Variants in SLC6A5 observed in about 807,000 individuals in gnomAD.
The protein encoded by SLC6A5 is solute carrier family 6 member 5.
A neutral mutation model predicts 90.5 loss-of-function variants in SLC6A5; 58 were observed. The observed-to-expected ratio is 0.64, with a 90% CI of 0.52 to 0.80. The LOEUF (loss-of-function observed/expected upper bound fraction) is 0.80, where lower values mean the gene tolerates loss of function less well. Ranked by LOEUF, SLC6A5 falls within the 30% of genes least tolerant of loss-of-function variation. SLC6A5 has a pLI of 0.00. For synonymous variants in SLC6A5, 427 were observed against 401.4 expected (o/e 1.06, Z -0.76); for missense variants, 1,015 against 1,017.6 (o/e 1.00, Z 0.03).
chr11:20,640,853 C>T (rs1171574948), intron 13 of SLC6A5, among the ~76,000 whole-genome samples: 8 of 152,104 alleles, frequency 5.3e-5, no homozygotes, highest in Admixed American at 5.2e-4. Flanking sequence ...ATGAAACTGA[C>T]TCACTTGATG....
chr11:20,616,007 A>C (rs1852777557), intron 6 of SLC6A5, among the ~76,000 whole-genome samples: 1 of 152,248 alleles, frequency 6.6e-6, no homozygotes, highest in South Asian at 2.1e-4. Flanking sequence ...TCCTATTTTA[A>C]ATGGCAGCAA....
intron 10 of SLC6A5, among the ~76,000 whole-genome samples, chr11:20,633,609 G>C (rs1437624614): frequency 1.3e-5 from 2 of 152,148 alleles, no homozygotes; most frequent in Non-Finnish European, 2.9e-5. Context: ...GATCTCTGGG[G>C]ACTCTGCTCA....
Position 20,656,217 on chromosome 11 carries a change from G to A in SLC6A5, c.*1349G>A, listed in dbSNP as rs1408122932. 2 of 152,190 alleles carry A rather than the reference G, an allele frequency of 1.3e-5. No homozygotes were observed. The highest frequency in any genetic ancestry group is 2.9e-5 in the Non-Finnish European group (2 of 68,028). The allele number at this position is 152,190 out of a possible 1,614,324, so 9.4% of individuals were successfully genotyped here. On this transcript the variant is annotated 3_prime_UTR_variant, in exon 16 of 16. Coordinates refer to ENST00000525748, the MANE Select transcript of SLC6A5 (RefSeq NM_004211.5). ...ATGAAATTTTTAAAATGTGACATGT[G>A]TTCATGTAGTGTGTACTTGTAGTGG... is the stretch of plus-strand genomic sequence containing the variant.
At chr11:20,642,200 AGAGAT>A (rs1327307780) in intron 13 of SLC6A5, among the ~76,000 whole-genome samples, 1 of 144,454 alleles carries the variant, frequency 6.9e-6, no homozygotes, top group Non-Finnish European at 1.5e-5. Context: ...CTCTGAGCAC[AGAGAT>A]CTGTGTGCTC....
intron 5 of SLC6A5, among the ~76,000 whole-genome samples, chr11:20,613,746 C>T (rs1209959260): frequency 6.9e-6 from 1 of 145,934 alleles, no homozygotes; most frequent in Non-Finnish European, 1.5e-5. Context: ...TGCAGCCTTG[C>T]ATTTCTGGGC....
At chr11:20,600,742 G>A (rs1852454540) in intron 1 of SLC6A5, among the ~76,000 whole-genome samples, 1 of 152,104 alleles carries the variant, frequency 6.6e-6, no homozygotes, top group Admixed American at 6.5e-5. Context: ...GAAATGGGGC[G>A]GAAAATTAAA....
Position 20,611,767 on chromosome 11 carries a change from GAA to G in SLC6A5, c.986-2898_986-2897del, listed in dbSNP as rs56739547. Among the ~76,000 whole-genome samples, 658 of 144,022 alleles carry G rather than the reference GAA, an allele frequency of 4.6e-3. 6 individuals carry two copies. The highest frequency in any genetic ancestry group is 0.015 in the African/African-American group (580 of 39,488). The allele number at this position is 144,022 out of a possible 152,430, so 94.5% of individuals were successfully genotyped here. A position where few individuals can be genotyped will look rare whatever the true frequency, so the allele number is the denominator to read the frequency against. The stretch of plus-strand genomic sequence containing the variant: ...GGTTTATTTGTTTATTTATTTTGGT[GAA>G]AAAAAAAAAAAAACAAGGTGTCAAT... On this transcript the variant is annotated intron_variant, in intron 5 of 15. Coordinates refer to ENST00000525748, the MANE Select transcript of SLC6A5 (RefSeq NM_004211.5).
Position 20,658,798 on chromosome 11 carries a change from A to G in SLC6A5, c.*3930A>G, listed in dbSNP as rs543196289. On this transcript the variant is annotated 3_prime_UTR_variant, in exon 16 of 16. Transcript: ENST00000525748. ...AGGTAACCATTTGCCTTACAGGTGTATTTTACTGTTAGGATGATTCTTAGT... is the reference window on the plus strand; with the variant it reads ...AGGTAACCATTTGCCTTACAGGTGTGTTTTACTGTTAGGATGATTCTTAGT... 49 of 152,202 alleles carry G rather than the reference A, an allele frequency of 3.2e-4. No homozygotes were observed. Among genetic ancestry groups the G allele is most frequent in the African/African-American group, 1.2e-3 (49 of 41,536 alleles). 9.4% of individuals were successfully genotyped at this position (152,202 alleles called of 1,614,324 possible).
intron 9 of SLC6A5, among the ~76,000 whole-genome samples, chr11:20,629,829 A>C (rs1184833966): frequency 1.3e-5 from 2 of 151,294 alleles, no homozygotes; most frequent in African/African-American, 4.9e-5. Flanking sequence ...TCCCAGGTTC[A>C]AGCAATTCAA....
chr11:20,647,131 C>A (rs1028282790), intron 14 of SLC6A5, among the ~76,000 whole-genome samples, 197 bp downstream of exon 14: 2 of 151,332 alleles, frequency 1.3e-5, no homozygotes, highest in African/African-American at 4.9e-5. Context: ...AGGTGCCTAG[C>A]AGGTCAGGTG....
intron 7 of SLC6A5, among the ~76,000 whole-genome samples, chr11:20,618,365 C>T (rs1257244876): frequency 6.6e-6 from 1 of 152,210 alleles, no homozygotes; most frequent in Non-Finnish European, 1.5e-5. Context: ...TGTTCATGGC[C>T]TTCCTTGCCT....
intron 5 of SLC6A5, among the ~76,000 whole-genome samples, chr11:20,613,654 T>A (rs1423822161): frequency 2.0e-5 from 1 of 51,224 alleles, no homozygotes; most frequent in African/African-American, 9.3e-5. Flanking sequence ...AAATAATTCT[T>A]TTTTTTTTTT....
chr11:20,613,903 A>G (rs1287113390), intron 5 of SLC6A5, among the ~76,000 whole-genome samples: 1 of 152,066 alleles, frequency 6.6e-6, no homozygotes, highest in Admixed American at 6.6e-5. Flanking sequence ...CCTGGCCTCT[A>G]CTTATTAGAC....
At chr11:20,607,334 C>A in intron 4 of SLC6A5, 145 bp from the exon 5 acceptor site, 2 of 1,172,430 alleles carry the variant, frequency 1.7e-6, no homozygotes, top group Non-Finnish European at 2.5e-6. Flanking sequence ...GCCTTCATAT[C>A]CCTGGTAGAC....
At chr11:20,653,596 C>T (rs77394600) in intron 15 of SLC6A5, among the ~76,000 whole-genome samples, 7,123 of 152,236 alleles carry the variant, frequency 0.047, 538 homozygotes, top group African/African-American at 0.16. Context: ...TAGCTTTTGT[C>T]TTCATTGGAC....
intron 6 of SLC6A5, among the ~76,000 whole-genome samples, chr11:20,616,479 G>A (rs752625529): frequency 1.3e-5 from 2 of 152,202 alleles, no homozygotes; most frequent in African/African-American, 4.8e-5. Context: ...AAGAAGAAAT[G>A]TCATCAGGAG....
intron 7 of SLC6A5, among the ~76,000 whole-genome samples, chr11:20,625,350 C>A (rs1025245270): frequency 1.3e-5 from 2 of 152,192 alleles, no homozygotes; most frequent in Non-Finnish European, 2.9e-5. Flanking sequence ...CAACCTCCGC[C>A]TCCTGGGTTC....
chr11:20,617,709 C>G, intron 6 of SLC6A5, 43 bp from the exon 7 acceptor site: 1 of 1,589,384 alleles, frequency 6.3e-7, no homozygotes, highest in Non-Finnish European at 8.6e-7. Flanking sequence ...CTCCCTCTCT[C>G]CTTCTTTCTA....
Position 20,607,589 on chromosome 11 carries a change from T to A in SLC6A5, c.922T>A (p.Trp308Arg). The A allele has an allele frequency of 6.2e-7, 1 of 1,614,118 alleles. No individual in the cohort carries two copies. Among genetic ancestry groups the A allele is most frequent in the African/African-American group, 1.3e-5 (1 of 75,058 alleles). The part of the protein sequence containing the change: ...LFASFVSVLP[W>R]GSCNNPWNTP... ...TGCCTCCTTTGTGTCTGTACTACCC[T>A]GGGGCTCCTGCAACAACCCTTGGAA... The change falls in exon 5 of 16, where the codon TGG becomes AGG. Residue 308 changes from tryptophan (W) to arginine (R), a missense_variant. By Grantham distance (101) the Trp-to-Arg change is moderately radical. Coordinates refer to ENST00000525748, the MANE Select transcript of SLC6A5 (RefSeq NM_004211.5).
Sources: gnomAD v4.1 joint callset for allele counts (sites outside exome capture counted in the v4.1 genomes callset) on GRCh38, gnomAD v4.1.1 for gene constraint, MANE v1.5 for transcripts, NCBI Gene and HGNC (gene_info 2026-07-23, HGNC 2026-07-21) for gene names.